Variants in ARHGEF28 observed in about 807,000 individuals in gnomAD.
ARHGEF28 encodes the protein 190 kDa guanine nucleotide exchange factor.
ARHGEF28 carries 152 observed loss-of-function variants against 206.6 expected under a neutral mutation model. The observed-to-expected ratio is 0.74, with a 90% CI of 0.64 to 0.84. The LOEUF is 0.84. ARHGEF28 is among the 40% of genes least tolerant of loss of function. The pLI, the probability that ARHGEF28 is intolerant of heterozygous loss-of-function variation, is 0.00. For synonymous variants in ARHGEF28, 763 were observed against 776.4 expected, an observed-to-expected ratio of 0.98 and a Z score of 0.29; for missense variants, 2,028 against 2,073.2, an observed-to-expected ratio of 0.98 and a Z score of 0.42.
At chr5:73,798,374 A>G (rs1754947179) in intron 9 of ARHGEF28, among the ~76,000 whole-genome samples, 1 of 151,952 alleles carries the variant, frequency 6.6e-6, no homozygotes, top group Non-Finnish European at 1.5e-5. Context: ...TTGACCTTTC[A>G]GGGCATCAAG....
chr5:73,788,764 A>G (rs1365197830), intron 7 of ARHGEF28, among the ~76,000 whole-genome samples: 1 of 152,158 alleles, frequency 6.6e-6, no homozygotes, highest in Non-Finnish European at 1.5e-5. Context: ...GAAATAATCC[A>G]TATAAAAGTG....
intron 35 of ARHGEF28, among the ~76,000 whole-genome samples, chr5:73,920,336 T>C (rs1763448597): frequency 6.6e-6 from 1 of 152,216 alleles, no homozygotes; most frequent in East Asian, 1.9e-4. Context: ...TTACAAACTT[T>C]TCTTCTGCCT....
chr5:73,802,870 C>CGCTGTG (rs1491478117), intron 9 of ARHGEF28, among the ~76,000 whole-genome samples: 1 of 122,172 alleles, frequency 8.2e-6, no homozygotes, highest in Non-Finnish European at 1.7e-5. Flanking sequence ...AGCTCGATTG[C>CGCTGTG]TGTGTGTGTG....
rs752738493 is a variant in ARHGEF28, at chr5:73,840,722, T to A, written c.1389T>A (p.His463Gln). The A allele has an allele frequency of 1.9e-6, 3 of 1,611,414 alleles. No homozygotes were observed. Among genetic ancestry groups the A allele is most frequent in the Non-Finnish European group, 2.5e-6 (3 of 1,178,624 alleles). The change falls in exon 11 of 36, where the codon CAT (histidine) becomes CAA (glutamine). Residue 463 changes from histidine (H) to glutamine (Q), a missense_variant. This residue lies in a region of ARHGEF28 where 1,002 missense variants were observed against 1,015.3 expected (regional missense o/e 0.99). Transcript: ENST00000513042. Reference protein sequence around the residue: ...ASNLNLSFGWHGFEKEQSHLK... With the variant: ...ASNLNLSFGWQGFEKEQSHLK... Reference sequence around the variant, plus strand: ...ACTTGAATCTTTCTTTTGGTTGGCATGGATTTGAAAAGGAACAAAGTCATC... The same window carrying A: ...ACTTGAATCTTTCTTTTGGTTGGCAAGGATTTGAAAAGGAACAAAGTCATC...
At chr5:73,723,134 C>G (rs554858809) in intron 2 of ARHGEF28, among the ~76,000 whole-genome samples, 1 of 152,170 alleles carries the variant, frequency 6.6e-6, no homozygotes, top group Non-Finnish European at 1.5e-5. Flanking sequence ...GGTTAGTCTC[C>G]TCTCTTATCT....
chr5:73,786,646 A>G (rs1183642832), intron 7 of ARHGEF28, among the ~76,000 whole-genome samples: 1 of 152,136 alleles, frequency 6.6e-6, no homozygotes, highest in South Asian at 2.1e-4. Flanking sequence ...TTTTGAGCAT[A>G]ATGCAAGTGA....
rs1354784462 is a variant in ARHGEF28, at chr5:73,852,687, A to G, written c.1785A>G (p.Glu595=). Reference sequence around the variant, plus strand: ...ACAGCTTATCGGAGCCACCAAGAGAAAACAGGTACTTTTAACTATTCCAAT... The same window carrying G: ...ACAGCTTATCGGAGCCACCAAGAGAGAACAGGTACTTTTAACTATTCCAAT... The part of the protein sequence containing the change: ...RAYSLSEPPR[E]NRIQEEEWDK... Residue 595 remains glutamate (E), a synonymous_variant, in exon 14 of 36, where the codon GAA becomes GAG. Coordinates refer to ENST00000513042, the MANE Select transcript of ARHGEF28 (RefSeq NM_001177693.2). The G allele has an allele frequency of 1.9e-6, 3 of 1,613,646 alleles. No homozygotes were observed. The highest frequency in any genetic ancestry group is 2.5e-6 in the Non-Finnish European group (3 of 1,179,620).
chr5:73,887,065 C>G (rs1761345839), intron 25 of ARHGEF28, among the ~76,000 whole-genome samples: 1 of 152,164 alleles, frequency 6.6e-6, no homozygotes, highest in Non-Finnish European at 1.5e-5. Flanking sequence ...TAACCACAAC[C>G]TGTAGATTCT....
intron 1 of ARHGEF28, among the ~76,000 whole-genome samples, chr5:73,672,411 T>C (rs1746407757): frequency 6.6e-6 from 1 of 152,264 alleles, no homozygotes; most frequent in Non-Finnish European, 1.5e-5. Context: ...TACCATGTTC[T>C]GCCAGTCCAG....
intron 2 of ARHGEF28, among the ~76,000 whole-genome samples, chr5:73,747,911 T>C (rs1239815241): frequency 6.6e-6 from 1 of 152,230 alleles, no homozygotes; most frequent in Non-Finnish European, 1.5e-5. Flanking sequence ...TAAGCTGTAG[T>C]CCTTGTCCAC....
chr5:73,780,793 C>G (rs1383332258), intron 7 of ARHGEF28, 48 bp downstream of exon 7: 1 of 1,536,636 alleles, frequency 6.5e-7, no homozygotes, highest in South Asian at 1.2e-5. Flanking sequence ...GTGCTCTGGA[C>G]CAACAATCTA....
chr5:73,938,431 G>A (rs1742342004), intron 35 of ARHGEF28, among the ~76,000 whole-genome samples: 1 of 152,034 alleles, frequency 6.6e-6, no homozygotes, highest in Non-Finnish European at 1.5e-5. Context: ...TAGATTAAGG[G>A]CTTCCAGTGT....
chr5:73,858,287 C>T, intron 16 of ARHGEF28, 68 bp downstream of exon 16: 1 of 1,503,766 alleles, frequency 6.6e-7, no homozygotes, highest in Non-Finnish European at 8.9e-7. Flanking sequence ...GGAAGAGGCT[C>T]ATTGCTCAAT....
At chr5:73,936,618 C>G (rs1764432977) in intron 35 of ARHGEF28, among the ~76,000 whole-genome samples, 2 of 152,216 alleles carry the variant, frequency 1.3e-5, no homozygotes, top group African/African-American at 4.8e-5. Context: ...CCTTCATGAG[C>G]TGAAGCCCAG....
chr5:73,722,121 A>G (rs1335769097), intron 2 of ARHGEF28, among the ~76,000 whole-genome samples: 1 of 152,254 alleles, frequency 6.6e-6, no homozygotes, highest in African/African-American at 2.4e-5. Context: ...TGACTTAGAG[A>G]TAGAAAAGCT....
intron 9 of ARHGEF28, among the ~76,000 whole-genome samples, chr5:73,809,553 A>G (rs77276465): frequency 0.058 from 8,897 of 152,256 alleles, 365 homozygotes; most frequent in African/African-American, 0.11. Context: ...TGCCCACAAA[A>G]AATTTTGGGT....
chr5:73,666,795 A>C (rs1745984468), intron 1 of ARHGEF28, among the ~76,000 whole-genome samples: 1 of 152,228 alleles, frequency 6.6e-6, no homozygotes. Context: ...ATGCTAAGTG[A>C]GGTGGCTGAA....
chr5:73,879,196 C>G (rs1197214864), intron 22 of ARHGEF28, among the ~76,000 whole-genome samples: 2 of 152,194 alleles, frequency 1.3e-5, no homozygotes, highest in African/African-American at 2.4e-5. Flanking sequence ...CACTGATACC[C>G]TTCCTTCCAG....
chr5:73,868,332 A>T (rs541149404), intron 20 of ARHGEF28, 105 bp downstream of exon 20: 4 of 1,370,636 alleles, frequency 2.9e-6, no homozygotes, highest in Admixed American at 2.9e-5. Flanking sequence ...TTCTTTTTCA[A>T]AGAAGTCTGT....
Sources: gnomAD v4.1 joint callset for allele counts (sites outside exome capture counted in the v4.1 genomes callset) on GRCh38, gnomAD v4.1.1 for gene constraint, gnomAD v4.1.1 regional missense constraint, MANE v1.5 for transcripts, NCBI Gene and HGNC (gene_info 2026-07-23, HGNC 2026-07-21) for gene names.